The following TTC39C variants were observed in gnomAD, a reference collection of about 807,000 sequenced individuals.
TTC39C encodes tetratricopeptide repeat protein 39C.
Under a neutral mutation model 76.3 loss-of-function variants are expected in TTC39C, and 33 were observed. The observed-to-expected ratio is 0.43, with a 90% CI of 0.33 to 0.58. The LOEUF (loss-of-function observed/expected upper bound fraction) is 0.58. TTC39C is among the 20% of genes least tolerant of loss of function. The pLI is 0.04. For synonymous variants in TTC39C, 254 were observed against 260.6 expected (o/e 0.97, Z 0.24); for missense variants, 595 against 701.4 (o/e 0.85, Z 1.71).
At chr18:24,099,172 A>G (rs2084646498) in intron 6 of TTC39C, 1 of 151,482 alleles carries the variant, frequency 6.6e-6, no homozygotes, top group Non-Finnish European at 1.5e-5. Flanking sequence ...GGGCTGCTAT[A>G]AAAGAATACT....
intron 1 of TTC39C, among the ~76,000 whole-genome samples, chr18:24,005,260 CAG>C (rs1352259105): frequency 1.3e-5 from 2 of 152,176 alleles, no homozygotes; most frequent in African/African-American, 4.8e-5. Flanking sequence ...GCCCACCTTA[CAG>C]AGTTACTTTG....
chr18:24,089,145 C>T (rs949252681), intron 6 of TTC39C, among the ~76,000 whole-genome samples: 1 of 152,102 alleles, frequency 6.6e-6, no homozygotes, highest in South Asian at 2.1e-4. Context: ...AGGGAGACCC[C>T]GGGGGATCAT....
intron 1 of TTC39C, among the ~76,000 whole-genome samples, chr18:24,024,861 G>A (rs998586446): frequency 6.7e-6 from 1 of 148,982 alleles, no homozygotes; most frequent in African/African-American, 2.5e-5. Context: ...ATAAATAGTT[G>A]GTTTTTGTTT....
intron 6 of TTC39C, among the ~76,000 whole-genome samples, chr18:24,100,017 T>C (rs766981459): frequency 9.9e-5 from 15 of 152,206 alleles, no homozygotes; most frequent in Non-Finnish European, 2.1e-4. Context: ...AGATTGATTT[T>C]TTTAATCAAC....
At chr18:24,018,465 A>G (rs1004029144) in intron 1 of TTC39C, among the ~76,000 whole-genome samples, 10 of 152,212 alleles carry the variant, frequency 6.6e-5, no homozygotes, top group African/African-American at 2.4e-4. Context: ...TCAGGCACAT[A>G]AGACAGGCTG....
intron 1 of TTC39C, chr18:24,022,828 A>G: frequency 3.0e-6 from 3 of 985,294 alleles, no homozygotes; most frequent in Non-Finnish European, 3.6e-6. Flanking sequence ...GTGCTGGAAT[A>G]TTTTACGTCA....
Position 24,014,775 on chromosome 18 carries a change from T to A in TTC39C, c.-97T>A. ...CCCTCCCCTCCCCTCCCGGCTCCGCTTGGCTCCGGGCAGGTAGAGCCGGGC... is the reference window on the plus strand; with the variant it reads ...CCCTCCCCTCCCCTCCCGGCTCCGCATGGCTCCGGGCAGGTAGAGCCGGGC... On this transcript the variant is annotated 5_prime_UTR_variant, in exon 1 of 14. The change creates a new upstream start codon in the 5' untranslated region. Transcript: ENST00000317571. 1 of 1,122,202 alleles carries A rather than the reference T, an allele frequency of 8.9e-7. No homozygotes were observed. The highest frequency in any genetic ancestry group is 1.7e-5 in the African/African-American group (1 of 59,884). 69.5% of individuals were successfully genotyped at this position (1,122,202 alleles called of 1,614,324 possible). A position where few individuals can be genotyped will look rare whatever the true frequency, so the allele number is the denominator to read the frequency against.
intron 12 of TTC39C, 138 bp from the exon 13 acceptor site, chr18:24,131,744 C>A: frequency 1.6e-6 from 1 of 643,986 alleles, no homozygotes; most frequent in African/African-American, 1.9e-5. Flanking sequence ...ATATTGGAGT[C>A]ATTATACTTG....
chr18:24,039,406 A>G (rs1320110813), intron 1 of TTC39C, among the ~76,000 whole-genome samples: 2 of 152,232 alleles, frequency 1.3e-5, no homozygotes, highest in African/African-American at 4.8e-5. Flanking sequence ...GGAAGTGGAC[A>G]CACATGATAG....
chr18:24,018,909 T>C (rs2083487483), intron 1 of TTC39C, among the ~76,000 whole-genome samples: 1 of 152,194 alleles, frequency 6.6e-6, no homozygotes, highest in African/African-American at 2.4e-5. Context: ...GGTCAGTCCA[T>C]GTTTCCCATG....
chr18:24,040,381 G>GC (rs2083778249), intron 1 of TTC39C, among the ~76,000 whole-genome samples: 1 of 152,102 alleles, frequency 6.6e-6, no homozygotes, highest in African/African-American at 2.4e-5. Flanking sequence ...TTGGGTAAAT[G>GC]CCCCTCAGCT....
At chr18:24,055,789 T>C (rs116573485) in intron 1 of TTC39C, among the ~76,000 whole-genome samples, 1,547 of 152,336 alleles carry the variant, frequency 0.01, 29 homozygotes, top group African/African-American at 0.034. Context: ...TTTGGTGTCA[T>C]ATCCAAGAAA....
At position 24,128,973 on chromosome 18, in the gene TTC39C, A is replaced by G. The variant is rs138187993; in HGVS notation, c.1508A>G (p.Asp503Gly). Residue 503 changes from aspartate (D) to glycine (G), a missense_variant, in exon 11 of 14, where the codon GAT becomes GGT. Transcript: ENST00000317571. ...AIHKCLGNSE[D>G]AVQYFQRAVK... is the part of the protein sequence containing the mutation. Reference sequence around the variant, plus strand: ...CACAAATGTCTAGGAAACTCAGAAGATGCTGTTCAGGTAAACTGTTAATGT... The same window carrying G: ...CACAAATGTCTAGGAAACTCAGAAGGTGCTGTTCAGGTAAACTGTTAATGT... 3.8e-5 allele frequency: 61 copies of G among 1,613,180 alleles called. 1 individual carries two copies. Among genetic ancestry groups the G allele is most frequent in the Non-Finnish European group, 1.0e-5 (12 of 1,179,598 alleles).
intron 4 of TTC39C, among the ~76,000 whole-genome samples, chr18:24,074,582 A>C (rs1487024010): frequency 1.3e-5 from 2 of 152,234 alleles, no homozygotes; most frequent in Non-Finnish European, 2.9e-5. Flanking sequence ...AGAGAAATGC[A>C]GATCAAAATC....
At chr18:24,038,286 A>G (rs942521408) in intron 1 of TTC39C, among the ~76,000 whole-genome samples, 3 of 152,076 alleles carry the variant, frequency 2.0e-5, no homozygotes, top group Non-Finnish European at 4.4e-5. Flanking sequence ...ATTTATTTTT[A>G]TTTTTATTAT....
chr18:24,018,263 G>A (rs1351201445), intron 1 of TTC39C, among the ~76,000 whole-genome samples: 1 of 152,154 alleles, frequency 6.6e-6, no homozygotes, highest in African/African-American at 2.4e-5. Flanking sequence ...GCTGGAGGGC[G>A]CTTCTGCTTT....
intron 1 of TTC39C, among the ~76,000 whole-genome samples, chr18:24,018,398 C>T (rs1337657226): frequency 6.6e-6 from 1 of 152,220 alleles, no homozygotes; most frequent in Non-Finnish European, 1.5e-5. Flanking sequence ...CACACACACT[C>T]ATTCCCTTCC....
At chr18:24,047,186 T>C (rs1484111040) in intron 1 of TTC39C, among the ~76,000 whole-genome samples, 1 of 151,690 alleles carries the variant, frequency 6.6e-6, no homozygotes, top group East Asian at 1.9e-4. Context: ...CTCTGCCTCA[T>C]GGGGTCAAGC....
intron 4 of TTC39C, among the ~76,000 whole-genome samples, chr18:24,080,032 A>G (rs1432359200): frequency 6.6e-6 from 1 of 151,850 alleles, no homozygotes; most frequent in East Asian, 1.9e-4. Flanking sequence ...AAACTCCTGG[A>G]CTTAAGTAAT....
Sources: gnomAD v4.1 joint callset for allele counts (sites outside exome capture counted in the v4.1 genomes callset) on GRCh38, gnomAD v4.1.1 for gene constraint, MANE v1.5 for transcripts, NCBI Gene and HGNC (gene_info 2026-07-23, HGNC 2026-07-21) for gene names.